Variants in MYO1D observed in about 807,000 individuals in gnomAD.
The protein encoded by MYO1D is unconventional myosin-Id.
MYO1D carries 83 observed loss-of-function variants against 122.0 expected under a neutral mutation model. That is an observed-to-expected ratio of 0.68 (90% CI 0.57 to 0.82). The LOEUF is 0.82. Ranked by LOEUF, MYO1D falls within the 40% of genes least tolerant of loss-of-function variation. The pLI is 0.00. For missense variants in MYO1D, 1,157 were observed against 1,269.5 expected (o/e 0.91, Z 1.35); for synonymous variants, 464 against 446.9 (o/e 1.04, Z -0.48).
At chr17:32,673,420 T>A (rs560555561) in intron 16 of MYO1D, among the ~76,000 whole-genome samples, 8 of 152,200 alleles carry the variant, frequency 5.3e-5, no homozygotes, top group South Asian at 2.1e-4. Context: ...CTACATTTTT[T>A]AATAAGAGAA....
At chr17:32,591,317 T>C (rs2087436706) in intron 21 of MYO1D, among the ~76,000 whole-genome samples, 2 of 152,242 alleles carry the variant, frequency 1.3e-5, no homozygotes, top group African/African-American at 4.8e-5. Flanking sequence ...ACTGAGTGCA[T>C]GTAAATAGGT....
At chr17:32,543,533 G>C (rs58870543) in intron 21 of MYO1D, among the ~76,000 whole-genome samples, 47 of 151,638 alleles carry the variant, frequency 3.1e-4, no homozygotes, top group Admixed American at 3.1e-3. Context: ...CCGAGATCAT[G>C]CCACTGCACT....
At chr17:32,698,169 A>C (rs912862729) in intron 16 of MYO1D, among the ~76,000 whole-genome samples, 11 of 152,350 alleles carry the variant, frequency 7.2e-5, no homozygotes, top group Admixed American at 5.9e-4. Context: ...CCAGAATAGT[A>C]AAGTATCCAG....
intron 16 of MYO1D, among the ~76,000 whole-genome samples, chr17:32,699,125 C>T (rs9902062): frequency 0.018 from 2,660 of 151,910 alleles, 87 homozygotes; most frequent in African/African-American, 0.061. Flanking sequence ...TCATCACGCC[C>T]GGCTAATTTT....
In MYO1D at chr17:32,760,463, A is replaced by C. The variant is rs200905752; in HGVS notation, c.1181+19T>G. On this transcript the variant is annotated intron_variant, in intron 9 of 21. Transcript: ENST00000318217. ...ATAGAAAACAGGCAACAAGGTTTTA[A>C]GTATCTTTTCCAGTTTACCTGTTGT... 6 of 1,609,184 alleles carry C rather than the reference A, an allele frequency of 3.7e-6. No individual in the cohort carries two copies. The Admixed American group carries it at 1.0e-4, about 27-fold the overall frequency.
rs970343291 is a variant in MYO1D at position 32,778,411 on chromosome 17, T to C, written c.398+69A>G. The C allele has an allele frequency of 2.5e-5, 37 of 1,474,158 alleles. 1 individual carries two copies. The South Asian group carries it at 2.7e-4, about 11-fold the overall frequency. 91.3% of individuals were successfully genotyped at this position (1,474,158 alleles called of 1,614,324 possible). A position where few individuals can be genotyped will look rare whatever the true frequency, so the allele number is the denominator to read the frequency against. On this transcript the variant is annotated intron_variant, in intron 3 of 21. Transcript: ENST00000318217. The stretch of plus-strand genomic sequence containing the variant: ...CCCAAAATGCTCAACCCCTAGAGTT[T>C]AGGTCTAGCCAAGTCCATAGAGAAA...
intron 1 of MYO1D, among the ~76,000 whole-genome samples, chr17:32,787,103 AT>A (rs1471981954): frequency 2.0e-5 from 3 of 152,166 alleles, no homozygotes; most frequent in Non-Finnish European, 4.4e-5. Context: ...TTTTCAAGAG[AT>A]AAAAAGCTAG....
chr17:32,762,733 G>A (rs909190922), intron 8 of MYO1D, among the ~76,000 whole-genome samples: 2 of 152,002 alleles, frequency 1.3e-5, no homozygotes, highest in African/African-American at 2.4e-5. Context: ...AATTAGCCAG[G>A]CATGGTGGCG....
chr17:32,607,092 G>A (rs753494165), intron 20 of MYO1D, among the ~76,000 whole-genome samples: 15 of 152,260 alleles, frequency 9.9e-5, no homozygotes, highest in East Asian at 9.6e-4. Flanking sequence ...CCCGGGAGGC[G>A]GAGGTTGCAG....
Position 32,609,939 on chromosome 17 carries a change from T to A in MYO1D, c.2710-4698A>T, listed in dbSNP as rs545376365. Among the ~76,000 whole-genome samples, 32 of 152,292 alleles carry A rather than the reference T, an allele frequency of 2.1e-4. No homozygotes were observed. In the South Asian group the frequency reaches 5.6e-3, roughly 27 times the overall value. ...TAAATTAAAAATATCATTTTCATTT[T>A]AAAAAAACATTTTATGTCTATCACG... On this transcript the variant is annotated intron_variant, in intron 20 of 21. Coordinates refer to ENST00000318217, the MANE Select transcript of MYO1D (RefSeq NM_015194.3).
chr17:32,543,612 TAA>T lies in MYO1D; in HGVS notation c.2865-48699_2865-48698del, dbSNP rs563765902. Among the ~76,000 whole-genome samples, 844 of 151,372 alleles carry T rather than the reference TAA, an allele frequency of 5.6e-3. 5 individuals carry two copies. Among genetic ancestry groups the T allele is most frequent in the Middle Eastern group, 0.014 (4 of 294 alleles). On this transcript the variant is annotated intron_variant, in intron 21 of 21. Coordinates refer to ENST00000318217, the MANE Select transcript of MYO1D (RefSeq NM_015194.3). ...TAAATAAATAAATAAAAAATAAAAA[TAA>T]AAATAAATAAATAAATAAAATGTGA...
intron 21 of MYO1D, among the ~76,000 whole-genome samples, chr17:32,576,953 T>C (rs1176142476): frequency 6.6e-6 from 1 of 152,200 alleles, no homozygotes; most frequent in East Asian, 1.9e-4. Context: ...GTGCTAGGAT[T>C]AAAAGTGTGA....
At chr17:32,559,538 C>T (rs1038102969) in intron 21 of MYO1D, among the ~76,000 whole-genome samples, 1 of 152,208 alleles carries the variant, frequency 6.6e-6, no homozygotes, top group South Asian at 2.1e-4. Flanking sequence ...CTGTAGTTTA[C>T]TTCTGTTTTG....
chr17:32,798,128 G>A lies in MYO1D; in HGVS notation c.96-17344C>T, dbSNP rs77232856. ...AATGGATTGCATGAGTAGGAAAACC[G>A]GAAAGTTTCCCAGACGCTCCTAAAG... On this transcript the variant is annotated intron_variant, in intron 1 of 21. Transcript: ENST00000318217. Among the ~76,000 whole-genome samples the A allele has an allele frequency of 8.7e-4, 133 of 152,292 alleles. No homozygotes were observed. In the East Asian group the frequency reaches 0.017, roughly 20 times the overall value.
intron 16 of MYO1D, among the ~76,000 whole-genome samples, chr17:32,665,786 C>T (rs1233986494): frequency 6.6e-6 from 1 of 152,160 alleles, no homozygotes; most frequent in African/African-American, 2.4e-5. Context: ...TGTATAAGTG[C>T]TTCATGGATG....
At chr17:32,585,742 T>TA (rs5819989) in intron 21 of MYO1D, among the ~76,000 whole-genome samples, 40,889 of 112,186 alleles carry the variant, frequency 0.36, 5,986 homozygotes, top group South Asian at 0.42. Flanking sequence ...CGTCTCAAAA[T>TA]AAAAAAAAAA....
At chr17:32,833,622 G>A (rs1300400275) in intron 1 of MYO1D, among the ~76,000 whole-genome samples, 2 of 152,104 alleles carry the variant, frequency 1.3e-5, no homozygotes, top group Non-Finnish European at 2.9e-5. Context: ...CAGCCTTCCT[G>A]GCCTTACTGG....
chr17:32,686,015 C>G (rs2089000427), intron 16 of MYO1D, among the ~76,000 whole-genome samples: 1 of 152,108 alleles, frequency 6.6e-6, no homozygotes, highest in Non-Finnish European at 1.5e-5. Flanking sequence ...ATGTGGTAGG[C>G]TGAACAATGG....
intron 1 of MYO1D, among the ~76,000 whole-genome samples, chr17:32,799,290 C>A (rs1167744185): frequency 1.3e-5 from 2 of 152,064 alleles, no homozygotes; most frequent in Non-Finnish European, 2.9e-5. Context: ...ATTGCTAGAT[C>A]TAACTGAGAG....
Sources: allele counts gnomAD v4.1 joint callset (sites outside exome capture counted in the v4.1 genomes callset), GRCh38; gene constraint gnomAD v4.1.1; transcripts MANE v1.5; gene names NCBI Gene and HGNC (gene_info 2026-07-23, HGNC 2026-07-21).